The following KCTD16 variants were observed in gnomAD, a reference collection of about 807,000 sequenced individuals.
The protein encoded by KCTD16 is potassium channel tetramerization domain containing 16.
In KCTD16, 13 loss-of-function variants were observed where a neutral mutation model predicts 33.2. The observed-to-expected ratio is 0.39, with a 90% CI of 0.25 to 0.62. The LOEUF (loss-of-function observed/expected upper bound fraction) is 0.62. KCTD16 is among the 20% of genes least tolerant of loss of function. KCTD16 has a pLI of 0.50. For missense variants in KCTD16, 441 were observed against 525.1 expected, an observed-to-expected ratio of 0.84 and a Z score of 1.57; for synonymous variants, 197 against 195.3, an observed-to-expected ratio of 1.01 and a Z score of -0.07.
intron 3 of KCTD16, among the ~76,000 whole-genome samples, chr5:144,286,419 T>C (rs182827982): frequency 3.7e-3 from 562 of 152,304 alleles, no homozygotes; most frequent in Non-Finnish European, 5.9e-3. Context: ...AGATTTGTGA[T>C]GGAAGAAAAG....
At chr5:144,312,178 A>G (rs1316569611) in intron 3 of KCTD16, among the ~76,000 whole-genome samples, 1 of 152,190 alleles carries the variant, frequency 6.6e-6, no homozygotes, top group South Asian at 2.1e-4. Flanking sequence ...TAGGAAATAC[A>G]TTTGACTTGG....
intron 2 of KCTD16, among the ~76,000 whole-genome samples, chr5:144,198,192 T>C (rs1262609659): frequency 2.0e-5 from 3 of 152,194 alleles, no homozygotes; most frequent in Non-Finnish European, 4.4e-5. Context: ...CCATCTGATA[T>C]GACCCTATCA....
intron 3 of KCTD16, among the ~76,000 whole-genome samples, chr5:144,249,154 T>C (rs1235654627): frequency 6.6e-6 from 1 of 152,174 alleles, no homozygotes; most frequent in Non-Finnish European, 1.5e-5. Flanking sequence ...CTCATGCTAC[T>C]TCTATAAGGA....
intron 3 of KCTD16, among the ~76,000 whole-genome samples, chr5:144,305,411 A>G (rs144220668): frequency 1.2e-4 from 18 of 152,322 alleles, no homozygotes; most frequent in Admixed American, 1.0e-3. Flanking sequence ...AAATGATGCC[A>G]TAAGAATGGG....
intron 3 of KCTD16, among the ~76,000 whole-genome samples, chr5:144,275,104 T>C (rs566592590): frequency 6.6e-6 from 1 of 152,304 alleles, no homozygotes; most frequent in South Asian, 2.1e-4. Flanking sequence ...TAAATGCAAA[T>C]TGCTACAGTG....
intron 3 of KCTD16, among the ~76,000 whole-genome samples, chr5:144,395,076 A>G (rs1752534971): frequency 6.6e-6 from 1 of 152,156 alleles, no homozygotes; most frequent in Admixed American, 6.5e-5. Flanking sequence ...CCTCAGTCCA[A>G]CTGAATCAGA....
intron 2 of KCTD16, among the ~76,000 whole-genome samples, chr5:144,191,947 A>G (rs1752850330): frequency 6.6e-6 from 1 of 152,148 alleles, no homozygotes; most frequent in African/African-American, 2.4e-5. Flanking sequence ...TGTAAAAGGC[A>G]GAATAATTAA....
At chr5:144,310,586 T>A (rs188032846) in intron 3 of KCTD16, among the ~76,000 whole-genome samples, 126 of 119,150 alleles carry the variant, frequency 1.1e-3, no homozygotes, top group African/African-American at 4.9e-3. Flanking sequence ...TATTATATAT[T>A]TTTTTTGATA....
At chr5:144,254,681 C>T (rs1467028742) in intron 3 of KCTD16, among the ~76,000 whole-genome samples, 1 of 152,114 alleles carries the variant, frequency 6.6e-6, no homozygotes, top group African/African-American at 2.4e-5. Context: ...TTCCCCCTCC[C>T]ACAGCCTCTG....
At position 144,387,044 on chromosome 5, in the gene KCTD16, G is replaced by A. The variant is rs534513787; in HGVS notation, c.833-86616G>A. Among the ~76,000 whole-genome samples the A allele has an allele frequency of 1.5e-3, 225 of 151,810 alleles. 1 individual carries two copies. The highest frequency in any genetic ancestry group is 5.2e-3 in the African/African-American group (216 of 41,402). ...TGCAGTGGCTGGTTCATGGCTCACT[G>A]CAGCCTCAGTCTCCCAGGCTCAAGA... On this transcript the variant is annotated intron_variant, in intron 3 of 3. Transcript: ENST00000512467.
At chr5:144,360,578 C>G (rs565994790) in intron 3 of KCTD16, among the ~76,000 whole-genome samples, 4 of 152,084 alleles carry the variant, frequency 2.6e-5, no homozygotes, top group African/African-American at 9.6e-5. Flanking sequence ...ACTACAGGTG[C>G]ACACCACCAC....
chr5:144,196,918 T>C (rs1752950583), intron 2 of KCTD16, among the ~76,000 whole-genome samples: 1 of 152,222 alleles, frequency 6.6e-6, no homozygotes. Context: ...TGCAATTTCC[T>C]TGGCAGCAGC....
intron 3 of KCTD16, among the ~76,000 whole-genome samples, chr5:144,435,209 GC>G (rs1753549143): frequency 6.6e-6 from 1 of 152,150 alleles, no homozygotes; most frequent in Non-Finnish European, 1.5e-5. Flanking sequence ...TTATTGAATA[GC>G]TATGACCTTA....
chr5:144,257,461 C>T (rs1328397182), intron 3 of KCTD16, among the ~76,000 whole-genome samples: 2 of 151,956 alleles, frequency 1.3e-5, no homozygotes, highest in African/African-American at 4.8e-5. Context: ...CTTCTCATCC[C>T]ATGGAGTAAT....
At chr5:144,376,088 G>A (rs1009293674) in intron 3 of KCTD16, among the ~76,000 whole-genome samples, 1 of 152,074 alleles carries the variant, frequency 6.6e-6, no homozygotes. Context: ...ACCTCCCAAA[G>A]TGCAAACTTT....
chr5:144,326,027 T>C (rs1375091445), intron 3 of KCTD16, among the ~76,000 whole-genome samples: 1 of 152,210 alleles, frequency 6.6e-6, no homozygotes, highest in Non-Finnish European at 1.5e-5. Flanking sequence ...AATAGTGGAC[T>C]CAGTAAAAGG....
At chr5:144,304,977 C>CTTTT (rs146638360) in intron 3 of KCTD16, among the ~76,000 whole-genome samples, 14 of 83,410 alleles carry the variant, frequency 1.7e-4, no homozygotes, top group East Asian at 4.4e-4. Flanking sequence ...ATATCAAAAT[C>CTTTT]TTTTTTTTTT....
In KCTD16 at chr5:144,473,791, A is replaced by T; in HGVS notation, c.964A>T (p.Ser322Cys). The T allele has an allele frequency of 6.2e-7, 1 of 1,614,122 alleles. No individual in the cohort carries two copies. The highest frequency in any genetic ancestry group is 8.5e-7 in the Non-Finnish European group (1 of 1,180,002). Residue 322 changes from serine to cysteine, a missense_variant, in exon 4 of 4, where the codon AGC becomes TGC. Coordinates refer to ENST00000512467, the MANE Select transcript of KCTD16 (RefSeq NM_020768.4). Reference sequence around the variant, plus strand: ...TAGCTGCGACAGCCAGTCTGAGGCCAGCTCTCCCCAGGAGACGGTCATCTG... The same window carrying T: ...TAGCTGCGACAGCCAGTCTGAGGCCTGCTCTCCCCAGGAGACGGTCATCTG... The part of the protein sequence containing the change: ...TSSCDSQSEA[S>C]SPQETVICGP...
At chr5:144,446,486 A>T (rs879837196) in intron 3 of KCTD16, among the ~76,000 whole-genome samples, 2 of 152,194 alleles carry the variant, frequency 1.3e-5, no homozygotes, top group Non-Finnish European at 1.5e-5. Flanking sequence ...CATTCAGGAC[A>T]TAGGCATGAA....
Sources: gnomAD v4.1 joint callset for allele counts (sites outside exome capture counted in the v4.1 genomes callset) on GRCh38, gnomAD v4.1.1 for gene constraint, MANE v1.5 for transcripts, NCBI Gene and HGNC (gene_info 2026-07-23, HGNC 2026-07-21) for gene names.